The following SLC10A7 variants were observed in gnomAD, a reference collection of about 807,000 sequenced individuals.
SLC10A7 encodes sodium/bile acid cotransporter 7.
SLC10A7 carries 29 observed loss-of-function variants against 43.2 expected under a neutral mutation model. That is an observed-to-expected ratio of 0.67 (90% CI 0.50 to 0.92). SLC10A7 has a LOEUF of 0.92. Among genes scored for constraint, SLC10A7 ranks in the 40% least tolerant of loss-of-function variants. The probability of loss-of-function intolerance (pLI) is 0.00; values close to 1 mark genes in which losing one functional copy is unlikely to be tolerated. For synonymous variants in SLC10A7, 152 were observed against 144.8 expected, an observed-to-expected ratio of 1.05 and a Z score of -0.35; for missense variants, 295 against 403.2, an observed-to-expected ratio of 0.73 and a Z score of 2.30.
intron 4 of SLC10A7, among the ~76,000 whole-genome samples, chr4:146,456,286 A>G (rs1015593600): frequency 6.6e-5 from 10 of 151,978 alleles, no homozygotes; most frequent in African/African-American, 2.4e-4. Flanking sequence ...TAAAACAGGG[A>G]TTGGTGAACT....
At chr4:146,299,414 CAA>C (rs1254444108) in intron 7 of SLC10A7, among the ~76,000 whole-genome samples, 3 of 152,122 alleles carry the variant, frequency 2.0e-5, no homozygotes, top group Non-Finnish European at 4.4e-5. Context: ...AACAAATAAA[CAA>C]GAGGCAAAAT....
intron 4 of SLC10A7, among the ~76,000 whole-genome samples, chr4:146,444,651 A>C (rs1730882360): frequency 6.6e-6 from 1 of 152,176 alleles, no homozygotes; most frequent in Non-Finnish European, 1.5e-5. Flanking sequence ...GCCTCTTATA[A>C]AATGACAGTG....
intron 10 of SLC10A7, among the ~76,000 whole-genome samples, chr4:146,276,221 A>C (rs190077584): frequency 3.9e-5 from 6 of 152,344 alleles, no homozygotes; most frequent in Admixed American, 2.6e-4. Flanking sequence ...TATGCTAATT[A>C]GTAAGGTCTC....
chr4:146,322,189 A>G (rs1017107351), intron 6 of SLC10A7, among the ~76,000 whole-genome samples: 1 of 152,080 alleles, frequency 6.6e-6, no homozygotes, highest in African/African-American at 2.4e-5. Context: ...ACAGATATGG[A>G]AAGGAGGGGA....
At chr4:146,272,731 TGA>T (rs1267715705) in intron 10 of SLC10A7, among the ~76,000 whole-genome samples, 1 of 152,204 alleles carries the variant, frequency 6.6e-6, no homozygotes, top group Non-Finnish European at 1.5e-5. Flanking sequence ...CTCTCCTGGG[TGA>T]GAGTCTTCAC....
intron 5 of SLC10A7, among the ~76,000 whole-genome samples, chr4:146,358,691 G>A (rs1735832088): frequency 3.3e-5 from 5 of 152,074 alleles, no homozygotes; most frequent in Admixed American, 2.6e-4. Flanking sequence ...ATATTTTTGT[G>A]TGGAGCAGTA....
intron 5 of SLC10A7, among the ~76,000 whole-genome samples, chr4:146,340,645 G>T (rs1215824038): frequency 6.6e-6 from 1 of 151,266 alleles, no homozygotes; most frequent in East Asian, 1.9e-4. Context: ...AGTTACATAG[G>T]TATATACAGC....
At position 146,254,237 on chromosome 4, in the gene SLC10A7, C is replaced by T. The variant is rs1000033531; in HGVS notation, c.*2254G>A. On this transcript the variant is annotated 3_prime_UTR_variant, in exon 12 of 12. Coordinates refer to ENST00000335472, the MANE Select transcript of SLC10A7 (RefSeq NM_001029998.6). ...CCCATTAAAAAATCTAATTTTGTAA[C>T]AACCATTAAAAAAAATCCAGGTGGA... is the stretch of plus-strand genomic sequence containing the variant. 1 of 151,608 alleles carries T rather than the reference C, an allele frequency of 6.6e-6. No individual in the cohort carries two copies. Among genetic ancestry groups the T allele is most frequent in the Non-Finnish European group, 1.5e-5 (1 of 67,872 alleles). The allele number at this position is 151,608 out of a possible 1,614,324, so 9.4% of individuals were successfully genotyped here.
intron 4 of SLC10A7, among the ~76,000 whole-genome samples, chr4:146,475,348 AT>A (rs1733929980): frequency 6.6e-6 from 1 of 152,194 alleles, no homozygotes; most frequent in South Asian, 2.1e-4. Context: ...AAAAAGAAAA[AT>A]AATCCACTTA....
rs1346772251 is a variant in SLC10A7, at chr4:146,458,161, GT to G, written c.397-15341del. Among the ~76,000 whole-genome samples, 6 of 151,708 alleles carry G rather than the reference GT, an allele frequency of 4.0e-5. 1 individual carries two copies. The highest frequency in any genetic ancestry group is 1.5e-4 in the African/African-American group (6 of 41,334). On this transcript the variant is annotated intron_variant, in intron 4 of 11. Coordinates refer to ENST00000335472, the MANE Select transcript of SLC10A7 (RefSeq NM_001029998.6). Reference sequence around the variant, plus strand: ...GTGGAGTTTATTCCAGGAATGCAAAGTTGGCATAAGATTTAAGAATCAATCA... The same window carrying G: ...GTGGAGTTTATTCCAGGAATGCAAAGTGGCATAAGATTTAAGAATCAATCA...
At chr4:146,331,420 T>C (rs953444444) in intron 5 of SLC10A7, among the ~76,000 whole-genome samples, 26 of 152,222 alleles carry the variant, frequency 1.7e-4, no homozygotes, top group African/African-American at 6.3e-4. Context: ...GGTTTCTGTC[T>C]AGTAGAAAAA....
At chr4:146,321,893 A>G (rs1488008865) in intron 6 of SLC10A7, among the ~76,000 whole-genome samples, 2 of 152,192 alleles carry the variant, frequency 1.3e-5, no homozygotes, top group Admixed American at 1.3e-4. Flanking sequence ...TGACAACCTA[A>G]ACAGAGAAAA....
intron 5 of SLC10A7, among the ~76,000 whole-genome samples, chr4:146,424,028 C>A (rs1018489005): frequency 1.3e-5 from 2 of 152,134 alleles, no homozygotes; most frequent in Non-Finnish European, 2.9e-5. Flanking sequence ...ATGTTATAGT[C>A]CCATGAGAAC....
chr4:146,330,448 A>T (rs1054197507), intron 5 of SLC10A7, among the ~76,000 whole-genome samples: 1 of 152,152 alleles, frequency 6.6e-6, no homozygotes, highest in African/African-American at 2.4e-5. Context: ...AGAATAAAGA[A>T]TATCAGTTTT....
At chr4:146,388,771 A>AAG in intron 5 of SLC10A7, among the ~76,000 whole-genome samples, 1 of 145,124 alleles carries the variant, frequency 6.9e-6, no homozygotes, top group Non-Finnish European at 1.5e-5. Context: ...AACAACAACA[A>AAG]CAAAAAAAAA....
chr4:146,359,827 C>A (rs1735918483), intron 5 of SLC10A7, among the ~76,000 whole-genome samples: 1 of 151,924 alleles, frequency 6.6e-6, no homozygotes, highest in Non-Finnish European at 1.5e-5. Flanking sequence ...GGTAATCCAT[C>A]CAATGATGTA....
intron 4 of SLC10A7, among the ~76,000 whole-genome samples, chr4:146,468,473 A>ATTTTTTTTTTTTT (rs368637891): frequency 7.0e-6 from 1 of 143,580 alleles, no homozygotes; most frequent in East Asian, 2.1e-4. Flanking sequence ...TTATATTTTA[A>ATTTTTTTTTTTTT]TTTTTTTTTT....
intron 5 of SLC10A7, among the ~76,000 whole-genome samples, chr4:146,400,004 A>G (rs564977723): frequency 3.3e-5 from 5 of 152,268 alleles, no homozygotes; most frequent in African/African-American, 1.2e-4. Flanking sequence ...TAGACAGAGT[A>G]AAGGCCAGGA....
intron 4 of SLC10A7, among the ~76,000 whole-genome samples, chr4:146,445,769 G>A (rs181260268): frequency 6.6e-6 from 1 of 152,092 alleles, no homozygotes; most frequent in African/African-American, 2.4e-5. Context: ...GGTGGAATGG[G>A]ACGAAAATCT....
Sources: allele counts gnomAD v4.1 joint callset (sites outside exome capture counted in the v4.1 genomes callset), GRCh38; gene constraint gnomAD v4.1.1; transcripts MANE v1.5; gene names NCBI Gene and HGNC (gene_info 2026-07-23, HGNC 2026-07-21).